FSIP1: variants seen among roughly 807,000 people sequenced by gnomAD.
FSIP1 encodes fibrous sheath-interacting protein 1.
In FSIP1, 65 loss-of-function variants were observed where a neutral mutation model predicts 60.9. The observed-to-expected ratio is 1.07, with a 90% CI of 0.87 to 1.31. The LOEUF (loss-of-function observed/expected upper bound fraction) is 1.31. Among genes scored for constraint, FSIP1 ranks in the 40% most tolerant of loss-of-function variants. The probability of loss-of-function intolerance (pLI) is 0.00; values close to 1 mark genes in which losing one functional copy is unlikely to be tolerated. For synonymous variants in FSIP1, 209 were observed against 221.2 expected (o/e 0.94, Z 0.49); for missense variants, 675 against 665.5 (o/e 1.01, Z -0.16).
intron 5 of FSIP1, among the ~76,000 whole-genome samples, chr15:39,751,518 A>C (rs531315950): frequency 6.6e-6 from 1 of 151,860 alleles, no homozygotes; most frequent in Admixed American, 6.6e-5. Context: ...GTAGACTTGG[A>C]GGACATAATA....
chr15:39,756,479 C>A (rs998766192), intron 5 of FSIP1, among the ~76,000 whole-genome samples: 1 of 152,004 alleles, frequency 6.6e-6, no homozygotes, highest in Non-Finnish European at 1.5e-5. Context: ...AATCCTCCCA[C>A]CTCAGCCTCC....
intron 3 of FSIP1, 65 bp downstream of exon 3, chr15:39,770,362 T>C (rs1396156840): frequency 1.7e-5 from 21 of 1,240,446 alleles, no homozygotes; most frequent in Non-Finnish European, 2.3e-5. Context: ...ACCTTAAATA[T>C]AACATTTGTA....
At chr15:39,624,260 A>G (rs1242760780) in intron 10 of FSIP1, among the ~76,000 whole-genome samples, 1 of 152,220 alleles carries the variant, frequency 6.6e-6, no homozygotes, top group Non-Finnish European at 1.5e-5. Flanking sequence ...GTACGTAACC[A>G]TCAGAAGGAA....
chr15:39,636,687 A>G (rs1291809870), intron 10 of FSIP1, among the ~76,000 whole-genome samples: 1 of 152,126 alleles, frequency 6.6e-6, no homozygotes, highest in African/African-American at 2.4e-5. Context: ...AAATACCCAA[A>G]CCAAATACCA....
chr15:39,779,359 G>C (rs1898171082), intron 1 of FSIP1, among the ~76,000 whole-genome samples: 1 of 152,002 alleles, frequency 6.6e-6, no homozygotes, highest in Non-Finnish European at 1.5e-5. Context: ...TGGATTGGTG[G>C]GTTTCTGGAT....
chr15:39,765,678 T>C lies in FSIP1; in HGVS notation c.379A>G (p.Lys127Glu). 1 of 1,594,266 alleles carries C rather than the reference T, an allele frequency of 6.3e-7. No individual in the cohort carries two copies. Among genetic ancestry groups the C allele is most frequent in the Non-Finnish European group, 8.6e-7 (1 of 1,165,134 alleles). The change falls in exon 4 of 12, where the codon AAA becomes GAA. Residue 127 changes from lysine to glutamate, a missense_variant. Coordinates refer to ENST00000350221, the MANE Select transcript of FSIP1 (RefSeq NM_152597.5). Reference protein sequence around the residue: ...DAIQKMKKLDKILAKKQRREK... With the variant: ...DAIQKMKKLDEILAKKQRREK... Reference sequence around the variant, plus strand: ...CTGCGTTGTTTCTTTGCCAATATTTTATCAAGTTTTTTCATCTTCTGAATA... The same window carrying C: ...CTGCGTTGTTTCTTTGCCAATATTTCATCAAGTTTTTTCATCTTCTGAATA...
In FSIP1 at chr15:39,724,053, A is replaced by G. The variant is rs576233395; in HGVS notation, c.1050+2536T>C. Among the ~76,000 whole-genome samples the G allele has an allele frequency of 2.6e-5, 4 of 152,326 alleles. No individual in the cohort carries two copies. The South Asian group carries it at 8.3e-4, about 32-fold the overall frequency. ...CATTACATTTTTGTTTTTACATCCAATGTGAGTCCCAAAATGTTGTTTTCC... is the reference window on the plus strand; with the variant it reads ...CATTACATTTTTGTTTTTACATCCAGTGTGAGTCCCAAAATGTTGTTTTCC... On this transcript the variant is annotated intron_variant, in intron 9 of 11. Coordinates refer to ENST00000350221, the MANE Select transcript of FSIP1 (RefSeq NM_152597.5).
chr15:39,717,148 T>C (rs1895774162), intron 9 of FSIP1, among the ~76,000 whole-genome samples: 1 of 152,168 alleles, frequency 6.6e-6, no homozygotes. Context: ...TTGTCGATCA[T>C]GTGATCCAAA....
intron 10 of FSIP1, among the ~76,000 whole-genome samples, chr15:39,697,496 T>C (rs1894867801): frequency 6.6e-6 from 1 of 152,192 alleles, no homozygotes; most frequent in African/African-American, 2.4e-5. Flanking sequence ...CAAAGAAAGA[T>C]TTCTGAGATA....
chr15:39,757,924 C>T (rs1056611249), intron 5 of FSIP1, among the ~76,000 whole-genome samples: 6 of 152,146 alleles, frequency 3.9e-5, no homozygotes, highest in Admixed American at 1.3e-4. Flanking sequence ...ACTGCCAATA[C>T]ATAATAACTA....
chr15:39,769,055 A>G (rs575825526), intron 3 of FSIP1, among the ~76,000 whole-genome samples: 199 of 152,164 alleles, frequency 1.3e-3, no homozygotes, highest in Middle Eastern at 3.4e-3. Flanking sequence ...CGAGGCGGGC[A>G]GATCACGAGG....
At chr15:39,650,998 CCTT>C (rs1187760242) in intron 10 of FSIP1, among the ~76,000 whole-genome samples, 7 of 152,306 alleles carry the variant, frequency 4.6e-5, no homozygotes, top group Admixed American at 4.6e-4. Flanking sequence ...CTGCAGTGCT[CCTT>C]CGTTTCCCAA....
chr15:39,747,810 G>C (rs1342517669), intron 5 of FSIP1, among the ~76,000 whole-genome samples: 1 of 152,010 alleles, frequency 6.6e-6, no homozygotes, highest in East Asian at 1.9e-4. Flanking sequence ...TATGGGTATT[G>C]GCCTTTTATC....
rs540988593 is a variant in FSIP1 at position 39,689,229 on chromosome 15, G to T, written c.1188+24215C>A. 2.6e-5 allele frequency among the ~76,000 whole-genome samples: 4 copies of T among 152,280 alleles called. No homozygotes were observed. The South Asian group carries it at 8.3e-4, about 32-fold the overall frequency. The stretch of plus-strand genomic sequence containing the variant: ...CGTGGAAGGAGCACAGAATGTCATT[G>T]TCCTCTCTGTGCACCCCACCCTCCC... On this transcript the variant is annotated intron_variant, in intron 10 of 11. Transcript: ENST00000350221.
At chr15:39,674,384 A>C (rs1385305360) in intron 10 of FSIP1, among the ~76,000 whole-genome samples, 1 of 152,218 alleles carries the variant, frequency 6.6e-6, no homozygotes, top group Non-Finnish European at 1.5e-5. Context: ...TCAAAATCGT[A>C]CATGGGTCGT....
In FSIP1 at chr15:39,775,311, A is replaced by T. The variant is rs2638011; in HGVS notation, c.126+1088T>A. Among the ~76,000 whole-genome samples the T allele has an allele frequency of 6.4e-3, 974 of 152,244 alleles. 8 individuals carry two copies. Among genetic ancestry groups the T allele is most frequent in the African/African-American group, 0.022 (917 of 41,532 alleles). The stretch of plus-strand genomic sequence containing the variant: ...ACCACATCATGACAGACAGAATTCT[A>T]AGAGTTCCATAATGCAGAATCTAGT... On this transcript the variant is annotated intron_variant, in intron 2 of 11. Coordinates refer to ENST00000350221, the MANE Select transcript of FSIP1 (RefSeq NM_152597.5).
chr15:39,604,998 AAC>A (rs1306998462), intron 11 of FSIP1, among the ~76,000 whole-genome samples: 1 of 152,200 alleles, frequency 6.6e-6, no homozygotes, highest in Non-Finnish European at 1.5e-5. Context: ...GACATATACC[AAC>A]ACACACCCAC....
chr15:39,741,520 T>C (rs958550411), intron 6 of FSIP1, among the ~76,000 whole-genome samples: 2 of 152,224 alleles, frequency 1.3e-5, no homozygotes, highest in Admixed American at 6.5e-5. Context: ...CCAAAATCAT[T>C]TTCACAGACT....
At chr15:39,631,271 A>G (rs967296492) in intron 10 of FSIP1, among the ~76,000 whole-genome samples, 15 of 151,718 alleles carry the variant, frequency 9.9e-5, no homozygotes, top group African/African-American at 3.6e-4. Flanking sequence ...CCTAGGCCCA[A>G]CTCCTCTTCT....
Sources: gnomAD v4.1 joint callset for allele counts (sites outside exome capture counted in the v4.1 genomes callset) on GRCh38, gnomAD v4.1.1 for gene constraint, MANE v1.5 for transcripts, NCBI Gene and HGNC (gene_info 2026-07-23, HGNC 2026-07-21) for gene names.